Variants in GTSE1 observed in about 807,000 individuals in gnomAD.
GTSE1 encodes the protein G2 and S phase-expressed protein 1.
GTSE1 carries 52 observed loss-of-function variants against 60.5 expected under a neutral mutation model. That is an observed-to-expected ratio of 0.86 (90% confidence interval 0.69 to 1.08). The LOEUF is 1.08. Ranked by LOEUF, GTSE1 falls within the 50% of genes least tolerant of loss-of-function variation. The pLI, the probability that GTSE1 is intolerant of heterozygous loss-of-function variation, is 0.00. For synonymous variants in GTSE1, 368 were observed against 386.5 expected (o/e 0.95, Z 0.56); for missense variants, 937 against 961.8 (o/e 0.97, Z 0.34).
rs1467156919 is a variant in GTSE1 at position 46,313,865 on chromosome 22, T to C, written c.928-25T>C. The C allele has an allele frequency of 2.5e-6, 4 of 1,613,460 alleles. No individual in the cohort carries two copies. The highest frequency in any genetic ancestry group is 1.6e-4 in the Middle Eastern group (1 of 6,062). On this transcript the variant is annotated intron_variant, in intron 5 of 11. Transcript: ENST00000454366. This position sits in a 1 kb window ranked among gnomAD's most constrained non-coding sequence, Gnocchi z 4.4. ...GGTAAATAACGAGATCTTTGCTGAT[T>C]CTGTTTTTTCACATTTTGCCCCAGT...
intron 2 of GTSE1, among the ~76,000 whole-genome samples, chr22:46,298,755 CG>C (rs1436591181): frequency 1.3e-5 from 2 of 152,234 alleles, no homozygotes; most frequent in Admixed American, 6.5e-5. Context: ...GTCCTTTCCA[CG>C]TGCATACTGC....
At position 46,329,385 on chromosome 22, in the gene GTSE1, C is replaced by T. The variant is rs1206001253; in HGVS notation, c.1954C>T (p.Pro652Ser). ...TCTTCTTGTAGATATCAAACTGGAA[C>T]CACTCGCGGTCACTCCAGATGCTGC... is the stretch of plus-strand genomic sequence containing the variant. The part of the protein sequence containing the change: ...EALLVDIKLE[P>S]LAVTPDAASQ... Residue 652 changes from proline to serine, a missense_variant, in exon 11 of 12, where the codon CCA (proline) becomes TCA (serine). By Grantham distance (74) the Pro-to-Ser change is moderately conservative. Coordinates refer to ENST00000454366, the MANE Select transcript of GTSE1 (RefSeq NM_016426.7). The surrounding 1 kb of genome is among the most constrained non-coding windows in gnomAD (Gnocchi z 6.4). 6.2e-7 allele frequency: 1 copy of T among 1,613,986 alleles called. No homozygotes were observed. The highest frequency in any genetic ancestry group is 8.5e-7 in the Non-Finnish European group (1 of 1,179,964).
chr22:46,326,698 C>T (rs2077846825), intron 9 of GTSE1, 44 bp downstream of exon 9: 1 of 1,402,300 alleles, frequency 7.1e-7, no homozygotes, highest in African/African-American at 1.4e-5. Context: ...AATTCCTAGG[C>T]TTGCTGTCCC....
At position 46,297,493 on chromosome 22, in the gene GTSE1, G is replaced by A; in HGVS notation, c.79+14G>A. On this transcript the variant is annotated intron_variant, in intron 2 of 11. Transcript: ENST00000454366. The surrounding 1 kb of genome is among the most constrained non-coding windows in gnomAD (Gnocchi z 4.9). ...CTAAGAAGGAAGGCAAGTCCTTGCT[G>A]CTGCGGCGCTGTTGTTGTTCAGGAT... 1.3e-6 allele frequency: 2 copies of A among 1,566,842 alleles called. No homozygotes were observed. The highest frequency in any genetic ancestry group is 1.8e-6 in the Non-Finnish European group (2 of 1,137,718).
intron 9 of GTSE1, chr22:46,327,427 A>C (rs2077850597): frequency 6.6e-6 from 1 of 152,132 alleles, no homozygotes; most frequent in Non-Finnish European, 1.5e-5. Flanking sequence ...TAATCCCAGC[A>C]CTTTGGGAGC....
Position 46,303,192 on chromosome 22 carries a change from G to A in GTSE1, c.80-4958G>A, listed in dbSNP as rs563711488. ...TGGGATTACAGATGTGAGCCACCCT[G>A]CCCGGTCTACTTTCCCTCTTTATTT... On this transcript the variant is annotated intron_variant, in intron 2 of 11. Coordinates refer to ENST00000454366, the MANE Select transcript of GTSE1 (RefSeq NM_016426.7). 1.8e-4 allele frequency among the ~76,000 whole-genome samples: 28 copies of A among 152,254 alleles called. No homozygotes were observed. The South Asian group carries it at 5.8e-3, about 32-fold the overall frequency.
rs576294420 is a variant in GTSE1, at chr22:46,308,535, C to T, written c.354C>T (p.Asn118=). 5.6e-5 allele frequency: 90 copies of T among 1,614,164 alleles called. No individual in the cohort carries two copies. Among genetic ancestry groups the T allele is most frequent in the Non-Finnish European group, 7.2e-5 (85 of 1,180,018 alleles). The change falls in exon 4 of 12, where the codon AAC becomes AAT. Residue 118 remains asparagine, a synonymous_variant. Coordinates refer to ENST00000454366, the MANE Select transcript of GTSE1 (RefSeq NM_016426.7). ...LALHIESSSR[N]QAAQAAKPED... ...TACACATTGAGAGCAGCAGCCGGAA[C>T]CAGGCAGCCCAAGCTGCCAAGCCTG...
rs1416593645 is a variant in GTSE1 at position 46,318,911 on chromosome 22, T to A, written c.1432+2499T>A. Among the ~76,000 whole-genome samples the A allele has an allele frequency of 6.7e-6, 1 of 150,076 alleles. No individual in the cohort carries two copies. The highest frequency in any genetic ancestry group is 1.5e-5 in the Non-Finnish European group (1 of 68,002). On this transcript the variant is annotated intron_variant, in intron 7 of 11. Coordinates refer to ENST00000454366, the MANE Select transcript of GTSE1 (RefSeq NM_016426.7). The surrounding 1 kb of genome is among the most constrained non-coding windows in gnomAD (Gnocchi z 4.8). ...GTGGCTGCACCGGCTCTGGCCCTCA[T>A]ACCTCCCGGCAGGAAGCCTTCTTCT... is the stretch of plus-strand genomic sequence containing the variant.
At chr22:46,311,911 T>C (rs944337987) in intron 4 of GTSE1, among the ~76,000 whole-genome samples, 1 of 152,156 alleles carries the variant, frequency 6.6e-6, no homozygotes, top group Admixed American at 6.5e-5. Context: ...GTAGGTATCA[T>C]TTGATGCTGT....
In GTSE1 at chr22:46,313,267, G is replaced by A. The variant is rs985402531; in HGVS notation, c.928-623G>A. On this transcript the variant is annotated intron_variant, in intron 5 of 11. Coordinates refer to ENST00000454366, the MANE Select transcript of GTSE1 (RefSeq NM_016426.7). The surrounding 1 kb of genome is among the most constrained non-coding windows in gnomAD (Gnocchi z 4.4). ...TTGCCACTTATTTTCTGGCATTGGC[G>A]GTAAACCAAGCTGTGTGTACTGGCA... Among the ~76,000 whole-genome samples, 5 of 151,982 alleles carry A rather than the reference G, an allele frequency of 3.3e-5. No individual in the cohort carries two copies. The highest frequency in any genetic ancestry group is 6.6e-5 in the Admixed American group (1 of 15,238).
intron 8 of GTSE1, among the ~76,000 whole-genome samples, chr22:46,325,301 A>G (rs2077837292): frequency 1.3e-5 from 2 of 151,976 alleles, no homozygotes; most frequent in Non-Finnish European, 2.9e-5. Context: ...CGTTCAAGCA[A>G]TTCTCCTGCC....
rs992532958 is a variant in GTSE1, at chr22:46,324,209, G to A, written c.1505+947G>A. ...AACTAGCCAGTCCCTCACGTGCTGC[G>A]CATGGTGCCATGCTAAGCTGCCGTC... On this transcript the variant is annotated intron_variant, in intron 8 of 11. Coordinates refer to ENST00000454366, the MANE Select transcript of GTSE1 (RefSeq NM_016426.7). The surrounding 1 kb of genome is among the most constrained non-coding windows in gnomAD (Gnocchi z 5.2). 1.1e-4 allele frequency among the ~76,000 whole-genome samples: 16 copies of A among 152,096 alleles called. No individual in the cohort carries two copies. The highest frequency in any genetic ancestry group is 2.2e-4 in the African/African-American group (9 of 41,396).
intron 2 of GTSE1, among the ~76,000 whole-genome samples, chr22:46,300,422 A>G (rs2077683093): frequency 6.6e-6 from 1 of 152,134 alleles, no homozygotes; most frequent in South Asian, 2.1e-4. Context: ...AAGCCCGGTA[A>G]TAGTTTCCTA....
rs1286181737 is a variant in GTSE1, at chr22:46,314,891, A to C, written c.1051+878A>C. ...AATGATAAGTGTGAACTCTCTAATC[A>C]GATTGATCTGATCTGGAATTCTGAC... On this transcript the variant is annotated intron_variant, in intron 6 of 11. Coordinates refer to ENST00000454366, the MANE Select transcript of GTSE1 (RefSeq NM_016426.7). This position sits in a 1 kb window ranked among gnomAD's most constrained non-coding sequence, Gnocchi z 7.1. Among the ~76,000 whole-genome samples the C allele has an allele frequency of 1.3e-5, 2 of 151,716 alleles. No homozygotes were observed.
At chr22:46,312,384 A>G in intron 5 of GTSE1, 79 bp downstream of exon 5, 2 of 1,421,436 alleles carry the variant, frequency 1.4e-6, no homozygotes, top group South Asian at 2.7e-5. Flanking sequence ...TTTGGATTAA[A>G]ATCCCAGCAT....
rs1800234553 is a variant in GTSE1 at position 46,317,178 on chromosome 22, G to C, written c.1432+766G>C. ...GACGGGGTTTCGCCATGTTGGCCAG[G>C]CTGGTCTGGAACTCCTGACCTCAAG... On this transcript the variant is annotated intron_variant, in intron 7 of 11. Transcript: ENST00000454366. The surrounding 1 kb of genome is among the most constrained non-coding windows in gnomAD (Gnocchi z 5.6). Among the ~76,000 whole-genome samples the C allele has an allele frequency of 6.6e-6, 1 of 152,086 alleles. No homozygotes were observed. Among genetic ancestry groups the C allele is most frequent in the African/African-American group, 2.4e-5 (1 of 41,406 alleles).
At position 46,309,429 on chromosome 22, in the gene GTSE1, C is replaced by G. The variant is rs6008601; in HGVS notation, c.762+486C>G. 0.14 allele frequency among the ~76,000 whole-genome samples: 21,320 copies of G among 152,022 alleles called. 1,948 individuals carry two copies. The highest frequency in any genetic ancestry group is 0.26 in the African/African-American group (10,644 of 41,428). On this transcript the variant is annotated intron_variant, in intron 4 of 11. Transcript: ENST00000454366. This position sits in a 1 kb window ranked among gnomAD's most constrained non-coding sequence, Gnocchi z 6.2. ...AGGGTCCTGGAGGTCTGGGGGAAAGCTGGGTGTGAGCACAGGACTTGCTGC... is the reference window on the plus strand; with the variant it reads ...AGGGTCCTGGAGGTCTGGGGGAAAGGTGGGTGTGAGCACAGGACTTGCTGC...
intron 2 of GTSE1, among the ~76,000 whole-genome samples, chr22:46,305,480 G>A (rs917651887): frequency 2.0e-5 from 3 of 152,124 alleles, no homozygotes; most frequent in East Asian, 3.8e-4. Flanking sequence ...GTGGTAGCAC[G>A]TGCCTGTAAT....
chr22:46,297,444 C>T lies in GTSE1; in HGVS notation c.44C>T (p.Ala15Val), dbSNP rs369196344. ...GGRDEPSACR[A>V]GDVNMDDPKK... ...CGCGATGAGCCTTCAGCCTGCCGGG[C>T]AGGGGACGTGAACATGGATGACCCT... is the stretch of plus-strand genomic sequence containing the variant. Residue 15 changes from alanine (A) to valine (V), a missense_variant, in exon 2 of 12, where the codon GCA becomes GTA. Transcript: ENST00000454366. This position sits in a 1 kb window ranked among gnomAD's most constrained non-coding sequence, Gnocchi z 4.9. 6.2e-7 allele frequency: 1 copy of T among 1,613,770 alleles called. No homozygotes were observed. The highest frequency in any genetic ancestry group is 1.3e-5 in the African/African-American group (1 of 75,038).
Sources: gnomAD v4.1 joint callset for allele counts (sites outside exome capture counted in the v4.1 genomes callset) on GRCh38, gnomAD v4.1.1 for gene constraint, Gnocchi (gnomAD v3.1) non-coding constraint, MANE v1.5 for transcripts, NCBI Gene and HGNC (gene_info 2026-07-23, HGNC 2026-07-21) for gene names.